CELSR1: variants seen among roughly 807,000 people sequenced by gnomAD.
The protein encoded by CELSR1 is cadherin EGF LAG seven-pass G-type receptor 1, also known as adhesion G protein-coupled receptor C1.
In CELSR1, 110 loss-of-function variants were observed where a neutral mutation model predicts 249.1. The ratio of observed to expected loss-of-function variants is 0.44; its 90% CI spans 0.38 to 0.52. The LOEUF is 0.52. CELSR1 is among the 20% of genes least tolerant of loss of function. The pLI, the probability that CELSR1 is intolerant of heterozygous loss-of-function variation, is 0.00. For missense variants in CELSR1, 4,109 were observed against 4,296.4 expected (o/e 0.96, Z 1.22); for synonymous variants, 2,113 against 1,900.0 (o/e 1.11, Z -2.92).
rs6008831 is a variant in CELSR1, at chr22:46,445,166, A to G, written c.4184-5755T>C. Among the ~76,000 whole-genome samples, 61,568 of 151,554 alleles carry G rather than the reference A, an allele frequency of 0.41. 12,692 individuals are homozygous for G. Among genetic ancestry groups the G allele is most frequent in the African/African-American group, 0.42 (17,140 of 41,226 alleles). ...AGCCAAGATCACACCACCATAGTCC[A>G]GTCTGGGTGACAAGAGCGAAACTCC... On this transcript the variant is annotated intron_variant, in intron 2 of 34. Transcript: ENST00000674500. This position sits in a 1 kb window ranked among gnomAD's most constrained non-coding sequence, Gnocchi z 4.4.
At position 46,512,541 on chromosome 22, in the gene CELSR1, C is replaced by T. The variant is rs1310401866; in HGVS notation, c.3544+21086G>A. On this transcript the variant is annotated intron_variant, in intron 1 of 34. Transcript: ENST00000674500. The surrounding 1 kb of genome is among the most constrained non-coding windows in gnomAD (Gnocchi z 5.2). ...GAGCCGAGATCACACCACTGCACTC[C>T]AGCCTGGGTGAAAGAGTGAGACTCC... 6.6e-6 allele frequency among the ~76,000 whole-genome samples: 1 copy of T among 152,190 alleles called. No homozygotes were observed. Among genetic ancestry groups the T allele is most frequent in the Admixed American group, 6.5e-5 (1 of 15,282 alleles).
At chr22:46,404,822 T>C (rs955166408) in intron 9 of CELSR1, among the ~76,000 whole-genome samples, 3 of 152,012 alleles carry the variant, frequency 2.0e-5, no homozygotes, top group Non-Finnish European at 4.4e-5. Flanking sequence ...CTTTTCACCT[T>C]TTTCTATTTT....
At chr22:46,459,323 G>A (rs2079993921) in intron 2 of CELSR1, among the ~76,000 whole-genome samples, 1 of 152,152 alleles carries the variant, frequency 6.6e-6, no homozygotes, top group Non-Finnish European at 1.5e-5. Flanking sequence ...TTGTGGGGAA[G>A]GAACAGCGGC....
In CELSR1 at chr22:46,363,347, C is replaced by A; in HGVS notation, c.9036-100G>T. On this transcript the variant is annotated intron_variant, in intron 34 of 34. Transcript: ENST00000674500. The surrounding 1 kb of genome is among the most constrained non-coding windows in gnomAD (Gnocchi z 4.3). ...ACACGGGGGGGCAGGATCACCCCATCAGGGTAGAGGGGGCGTCTGGGGGCT... is the reference window on the plus strand; with the variant it reads ...ACACGGGGGGGCAGGATCACCCCATAAGGGTAGAGGGGGCGTCTGGGGGCT... The A allele has an allele frequency of 9.7e-7, 1 of 1,028,726 alleles. No homozygotes were observed. Among genetic ancestry groups the A allele is most frequent in the Non-Finnish European group, 1.5e-6 (1 of 688,176 alleles). 63.7% of individuals were successfully genotyped at this position (1,028,726 alleles called of 1,614,324 possible).
Position 46,408,966 on chromosome 22 carries a change from G to A in CELSR1, c.5226+30C>T, listed in dbSNP as rs1484116675. The A allele has an allele frequency of 6.4e-7, 1 of 1,569,974 alleles. No homozygotes were observed. Among genetic ancestry groups the A allele is most frequent in the South Asian group, 1.2e-5 (1 of 84,768 alleles). The stretch of plus-strand genomic sequence containing the variant: ...CCCTCCCTCGGGCACCCACCTAGCA[G>A]GTGCCTTGGTGGCACGGGGCCCCAG... On this transcript the variant is annotated intron_variant, in intron 9 of 34. Coordinates refer to ENST00000674500, the MANE Select transcript of CELSR1 (RefSeq NM_001378328.1). The surrounding 1 kb of genome is among the most constrained non-coding windows in gnomAD (Gnocchi z 4.6).
At chr22:46,365,729 A>G in intron 30 of CELSR1, 40 bp from the exon 31 acceptor site, 1 of 1,473,270 alleles carries the variant, frequency 6.8e-7, no homozygotes, top group Non-Finnish European at 9.2e-7. Context: ...ATCATCCGTC[A>G]GGGAACAGGA....
chr22:46,378,565 C>T (rs889946914), intron 23 of CELSR1, 26 bp downstream of exon 23: 11 of 1,547,044 alleles, frequency 7.1e-6, no homozygotes, highest in Non-Finnish European at 9.6e-6. Context: ...GCCCAGAGGG[C>T]ACAGTGGCCA....
chr22:46,500,181 C>T lies in CELSR1; in HGVS notation c.3544+33446G>A, dbSNP rs948638044. Among the ~76,000 whole-genome samples, 1 of 143,056 alleles carries T rather than the reference C, an allele frequency of 7.0e-6. No individual in the cohort carries two copies. The highest frequency in any genetic ancestry group is 1.5e-5 in the Non-Finnish European group (1 of 66,598). The allele number at this position is 143,056 out of a possible 152,430, so 93.9% of individuals were successfully genotyped here. On this transcript the variant is annotated intron_variant, in intron 1 of 34. Transcript: ENST00000674500. The surrounding 1 kb of genome is among the most constrained non-coding windows in gnomAD (Gnocchi z 4.9). ...CAGCCCCTGGTCCTCCCAGCATGAT[C>T]CCACCCCAGCCCCTGGTCCTCCCAG...
At position 46,527,082 on chromosome 22, in the gene CELSR1, G is replaced by A. The variant is rs956310199; in HGVS notation, c.3544+6545C>T. On this transcript the variant is annotated intron_variant, in intron 1 of 34. Coordinates refer to ENST00000674500, the MANE Select transcript of CELSR1 (RefSeq NM_001378328.1). This position sits in a 1 kb window ranked among gnomAD's most constrained non-coding sequence, Gnocchi z 5.5. The stretch of plus-strand genomic sequence containing the variant: ...TGCTGCCATCACAAGCTGGTGCCCT[G>A]GGAGCCCTGTCCTTGGTTTGCTCAT... Among the ~76,000 whole-genome samples the A allele has an allele frequency of 3.9e-5, 6 of 152,160 alleles. No individual in the cohort carries two copies. The highest frequency in any genetic ancestry group is 8.8e-5 in the Non-Finnish European group (6 of 68,042).
rs200493443 is a variant in CELSR1 at position 46,369,166 on chromosome 22, C to T, written c.7952+13G>A. The T allele has an allele frequency of 6.2e-7, 1 of 1,613,500 alleles. No individual in the cohort carries two copies. Among genetic ancestry groups the T allele is most frequent in the East Asian group, 2.2e-5 (1 of 44,870 alleles). On this transcript the variant is annotated intron_variant, in intron 27 of 34. Transcript: ENST00000674500. ...GCCGACATGGCTGGCCGGTCAGGTT[C>T]AGCCCCACTTACACGATCCCTTTTT...
intron 5 of CELSR1, among the ~76,000 whole-genome samples, chr22:46,420,914 G>A (rs2079463743): frequency 6.6e-6 from 1 of 152,178 alleles, no homozygotes; most frequent in Non-Finnish European, 1.5e-5. Context: ...AAGACAGGGA[G>A]AAGGTGGGGG....
Position 46,419,526 on chromosome 22 carries a change from G to A in CELSR1, c.4612-7767C>T, listed in dbSNP as rs947809264. Among the ~76,000 whole-genome samples the A allele has an allele frequency of 3.5e-4, 53 of 152,168 alleles. 1 individual carries two copies. The highest frequency in any genetic ancestry group is 2.5e-3 in the Admixed American group (38 of 15,298). Reference sequence around the variant, plus strand: ...CTCCCGGGGCCTGCCTCCTCCACACGGGCACCGGGACAGAGTGCCTGGGAT... The same window carrying A: ...CTCCCGGGGCCTGCCTCCTCCACACAGGCACCGGGACAGAGTGCCTGGGAT... On this transcript the variant is annotated intron_variant, in intron 5 of 34. Transcript: ENST00000674500.
intron 1 of CELSR1, among the ~76,000 whole-genome samples, chr22:46,495,192 A>G (rs1230775701): frequency 6.6e-6 from 1 of 152,132 alleles, no homozygotes. Flanking sequence ...AGGCTTAGAC[A>G]TGGCTGGTAC....
chr22:46,433,598 T>C lies in CELSR1; in HGVS notation c.4523-117A>G. Reference sequence around the variant, plus strand: ...CAGGTGCACATGGCCACGTCCTCCCTCCCCTCCCCACGGCACCATGGTGGG... The same window carrying C: ...CAGGTGCACATGGCCACGTCCTCCCCCCCCTCCCCACGGCACCATGGTGGG... On this transcript the variant is annotated intron_variant, in intron 4 of 34. Coordinates refer to ENST00000674500, the MANE Select transcript of CELSR1 (RefSeq NM_001378328.1). The surrounding 1 kb of genome is among the most constrained non-coding windows in gnomAD (Gnocchi z 5.7). The C allele has an allele frequency of 1.4e-6, 1 of 689,966 alleles. No individual in the cohort carries two copies. Among genetic ancestry groups the C allele is most frequent in the Non-Finnish European group, 2.5e-6 (1 of 394,616 alleles). The allele number at this position is 689,966 out of a possible 1,614,324, so 42.7% of individuals were successfully genotyped here. A position where few individuals can be genotyped will look rare whatever the true frequency, so the allele number is the denominator to read the frequency against.
In CELSR1 at chr22:46,498,249, C is replaced by CAA. The variant is rs201495106; in HGVS notation, c.3545-33906_3545-33905dup. ...GGGCAACAAGAGTGAAACTCTGTCT[C>CAA]AAAAAAAAAAAAAAAAAAAAAAAAA... On this transcript the variant is annotated intron_variant, in intron 1 of 34. Transcript: ENST00000674500. 8.8e-4 allele frequency among the ~76,000 whole-genome samples: 51 copies of CAA among 57,816 alleles called. 4 individuals are homozygous for CAA. Among genetic ancestry groups the CAA allele is most frequent in the African/African-American group, 4.8e-3 (40 of 8,374 alleles). The allele number at this position is 57,816 out of a possible 152,430, so 37.9% of individuals were successfully genotyped here.
chr22:46,443,304 G>A (rs1319542548), intron 2 of CELSR1, among the ~76,000 whole-genome samples: 1 of 152,204 alleles, frequency 6.6e-6, no homozygotes, highest in Non-Finnish European at 1.5e-5. Flanking sequence ...AGGCCAGGGG[G>A]GTGCTTTCCC....
Position 46,428,458 on chromosome 22 carries a change from C to A in CELSR1, c.4611+4935G>T. Reference sequence around the variant, plus strand: ...TGCCTCAAGCTCCGGCCCAGGGTCTCGCATCTCCACCTGAAGCTACCAGGA... The same window carrying A: ...TGCCTCAAGCTCCGGCCCAGGGTCTAGCATCTCCACCTGAAGCTACCAGGA... On this transcript the variant is annotated intron_variant, in intron 5 of 34. Transcript: ENST00000674500. The surrounding 1 kb of genome is among the most constrained non-coding windows in gnomAD (Gnocchi z 5.7). Among the ~76,000 whole-genome samples, 1 of 152,328 alleles carries A rather than the reference C, an allele frequency of 6.6e-6. No homozygotes were observed. The highest frequency in any genetic ancestry group is 3.4e-3 in the Middle Eastern group (1 of 294).
intron 1 of CELSR1, among the ~76,000 whole-genome samples, chr22:46,498,341 G>A (rs1054520849): frequency 4.0e-5 from 6 of 150,016 alleles, no homozygotes; most frequent in African/African-American, 1.5e-4. Context: ...CAGCCACGGT[G>A]GCTCACGCCT....
rs551907241 is a variant in CELSR1, at chr22:46,488,400, C to T, written c.3545-24055G>A. ...CGCAGCTTCCCTGCTCGCCTACAGC[C>T]GGCGAGTGCAGCACAGGAGGCCACC... is the stretch of plus-strand genomic sequence containing the variant. On this transcript the variant is annotated intron_variant, in intron 1 of 34. Transcript: ENST00000674500. The surrounding 1 kb of genome is among the most constrained non-coding windows in gnomAD (Gnocchi z 4.7). Among the ~76,000 whole-genome samples the T allele has an allele frequency of 1.3e-4, 20 of 152,258 alleles. No individual in the cohort carries two copies. The South Asian group carries it at 2.7e-3, about 20-fold the overall frequency.
Sources: gnomAD v4.1 joint callset for allele counts (sites outside exome capture counted in the v4.1 genomes callset) on GRCh38, gnomAD v4.1.1 for gene constraint, Gnocchi (gnomAD v3.1) non-coding constraint, MANE v1.5 for transcripts, NCBI Gene and HGNC (gene_info 2026-07-23, HGNC 2026-07-21) for gene names.